Variants in CDH18 observed in about 807,000 individuals in gnomAD.
CDH18 encodes the protein cadherin 18.
CDH18 carries 31 observed loss-of-function variants against 67.9 expected under a neutral mutation model. The ratio of observed to expected loss-of-function variants is 0.46; its 90% CI spans 0.34 to 0.62. CDH18 has a LOEUF of 0.62. Among genes scored for constraint, CDH18 ranks in the 20% least tolerant of loss-of-function variants. The pLI is 0.01. For synonymous variants in CDH18, 362 were observed against 347.2 expected (o/e 1.04, Z -0.48); for missense variants, 890 against 975.5 (o/e 0.91, Z 1.17).
intron 5 of CDH18, among the ~76,000 whole-genome samples, chr5:19,656,185 T>C (rs1182238797): frequency 1.3e-5 from 2 of 151,986 alleles, no homozygotes; most frequent in African/African-American, 4.8e-5. Context: ...TAAAAAATAA[T>C]CATAAGGCAA....
At chr5:19,740,903 G>A (rs1486538341) in intron 4 of CDH18, among the ~76,000 whole-genome samples, 1 of 151,978 alleles carries the variant, frequency 6.6e-6, no homozygotes, top group African/African-American at 2.4e-5. Context: ...AGTTGGTAAA[G>A]ATCAAGACTG....
rs570416325 is a variant in CDH18 at position 19,537,634 on chromosome 5, G to T, written c.1390+6235C>A. 1.5e-4 allele frequency among the ~76,000 whole-genome samples: 23 copies of T among 152,110 alleles called. No homozygotes were observed. In the South Asian group the frequency reaches 2.1e-3, roughly 14 times the overall value. On this transcript the variant is annotated intron_variant, in intron 9 of 12. Transcript: ENST00000382275. Reference sequence around the variant, plus strand: ...TTATCCTCCCTATGAAACCTTCACTGATCCTCTTAGAGTGATTAAACTACC... The same window carrying T: ...TTATCCTCCCTATGAAACCTTCACTTATCCTCTTAGAGTGATTAAACTACC...
At chr5:19,823,980 G>C (rs1221203727) in intron 3 of CDH18, among the ~76,000 whole-genome samples, 3 of 151,820 alleles carry the variant, frequency 2.0e-5, no homozygotes, top group Non-Finnish European at 2.9e-5. Flanking sequence ...AATGACTTTT[G>C]AGTAAATAAC....
intron 2 of CDH18, among the ~76,000 whole-genome samples, chr5:19,847,379 G>C (rs1055553491): frequency 3.3e-5 from 5 of 151,594 alleles, no homozygotes; most frequent in Admixed American, 6.6e-5. Context: ...CTTCATTCTT[G>C]TTCAAATCTG....
At chr5:20,469,870 GAT>G (rs1275702651) in intron 1 of CDH18, among the ~76,000 whole-genome samples, 1 of 152,094 alleles carries the variant, frequency 6.6e-6, no homozygotes, top group Non-Finnish European at 1.5e-5. Flanking sequence ...TCAGAATTTT[GAT>G]AGTTTCAATT....
At chr5:20,382,364 A>G (rs1743977828) in intron 1 of CDH18, among the ~76,000 whole-genome samples, 1 of 152,174 alleles carries the variant, frequency 6.6e-6, no homozygotes, top group Non-Finnish European at 1.5e-5. Flanking sequence ...GACATAGATT[A>G]TGTATAATGA....
At chr5:19,475,566 A>G (rs1406136409) in intron 12 of CDH18, among the ~76,000 whole-genome samples, 5 of 151,984 alleles carry the variant, frequency 3.3e-5, no homozygotes, top group Non-Finnish European at 5.9e-5. Context: ...ACACACACAC[A>G]TACACATAAG....
intron 1 of CDH18, among the ~76,000 whole-genome samples, chr5:20,334,121 G>A (rs1739460242): frequency 7.1e-6 from 1 of 140,268 alleles, no homozygotes; most frequent in Non-Finnish European, 1.5e-5. Context: ...GTATAAATCT[G>A]ACTTGAATTC....
rs978002165 is a variant in CDH18, at chr5:20,086,488, G to C, written c.-517-94474C>G. Among the ~76,000 whole-genome samples the C allele has an allele frequency of 6.6e-5, 10 of 152,260 alleles. No homozygotes were observed. The East Asian group carries it at 1.9e-3, about 29-fold the overall frequency. On this transcript the variant is annotated intron_variant, in intron 2 of 14. Transcript: ENST00000507958. ...TTCCATTGGAAGAAGATTCTATCTA[G>C]GAGTTTCATAGCTAGAGAAAAGTCA...
chr5:19,587,980 TTCTTCTTG>T (rs1744462078), intron 7 of CDH18, among the ~76,000 whole-genome samples: 1 of 152,104 alleles, frequency 6.6e-6, no homozygotes, highest in Non-Finnish European at 1.5e-5. Context: ...TGGTTTGTAG[TTCTTCTTG>T]AATAGGTCCT....
chr5:19,702,629 G>C (rs1763417458), intron 5 of CDH18, among the ~76,000 whole-genome samples: 1 of 152,064 alleles, frequency 6.6e-6, no homozygotes, highest in Admixed American at 6.5e-5. Flanking sequence ...AGCTGGGTCT[G>C]TAGTGGCGTG....
intron 2 of CDH18, among the ~76,000 whole-genome samples, chr5:20,132,020 T>C (rs1749311722): frequency 6.6e-6 from 1 of 152,106 alleles, no homozygotes; most frequent in South Asian, 2.1e-4. Flanking sequence ...CCCAAGTAGC[T>C]GAGATTACAG....
rs190540414 is a variant in CDH18 at position 20,408,069 on chromosome 5, T to G, written c.-579-152564A>C. 2.6e-5 allele frequency among the ~76,000 whole-genome samples: 4 copies of G among 152,084 alleles called. No individual in the cohort carries two copies. The East Asian group carries it at 5.8e-4, about 22-fold the overall frequency. On this transcript the variant is annotated intron_variant, in intron 1 of 14. Transcript: ENST00000507958. ...ATCTCCATAACAATATCAGGTTACC[T>G]CTCAGTAGAAACTTTTTAGGCCAAA...
intron 5 of CDH18, among the ~76,000 whole-genome samples, chr5:19,637,837 A>G (rs1489917183): frequency 6.6e-6 from 1 of 152,062 alleles, no homozygotes; most frequent in Non-Finnish European, 1.5e-5. Context: ...CTTGACCCTA[A>G]TCTCACTCCT....
intron 2 of CDH18, among the ~76,000 whole-genome samples, chr5:19,958,164 C>T (rs946319415): frequency 2.8e-4 from 42 of 151,386 alleles, no homozygotes; most frequent in African/African-American, 6.8e-4. Context: ...CCAGTGTGAA[C>T]GAAGCCTTAT....
intron 2 of CDH18, among the ~76,000 whole-genome samples, chr5:20,095,444 A>AAAGAAAGAAAGAAAGG (rs1351361955): frequency 3.9e-4 from 32 of 81,908 alleles, no homozygotes; most frequent in African/African-American, 1.5e-3. Flanking sequence ...AGAAAGAAAG[A>AAAGAAAGAAAGAAAGG]AAAGAAAGAA....
chr5:19,909,958 C>G (rs994664246), intron 2 of CDH18, among the ~76,000 whole-genome samples: 8 of 152,086 alleles, frequency 5.3e-5, no homozygotes, highest in Non-Finnish European at 1.0e-4. Flanking sequence ...ATCTTTTTTA[C>G]CCATGAACAT....
At chr5:20,142,132 C>T (rs1189698151) in intron 2 of CDH18, among the ~76,000 whole-genome samples, 3 of 151,900 alleles carry the variant, frequency 2.0e-5, no homozygotes, top group African/African-American at 7.2e-5. Context: ...TTTGTGGTCT[C>T]ATCAAAAGCT....
At chr5:20,544,848 G>A (rs1051003046) in intron 1 of CDH18, among the ~76,000 whole-genome samples, 2 of 152,100 alleles carry the variant, frequency 1.3e-5, no homozygotes, top group African/African-American at 4.8e-5. Flanking sequence ...GTCACCCAAA[G>A]ACTTAATTCA....
Sources: allele counts gnomAD v4.1 joint callset (sites outside exome capture counted in the v4.1 genomes callset), GRCh38; gene constraint gnomAD v4.1.1; transcripts MANE v1.5; gene names NCBI Gene and HGNC (gene_info 2026-07-23, HGNC 2026-07-21).